CCSER1: variants seen among roughly 807,000 people sequenced by gnomAD.
CCSER1 encodes coiled-coil serine rich protein 1.
CCSER1 carries 41 observed loss-of-function variants against 82.0 expected under a neutral mutation model. That is an observed-to-expected ratio of 0.50 (90% confidence interval 0.39 to 0.65). CCSER1 has a LOEUF of 0.65. Among genes scored for constraint, CCSER1 ranks in the 30% least tolerant of loss-of-function variants. CCSER1 has a pLI of 0.00. For missense variants in CCSER1, 1,119 were observed against 1,064.2 expected, an observed-to-expected ratio of 1.05 and a Z score of -0.72; for synonymous variants, 414 against 383.9, an observed-to-expected ratio of 1.08 and a Z score of -0.92.
chr4:90,613,099 C>T (rs918009213), intron 5 of CCSER1, among the ~76,000 whole-genome samples: 9 of 152,130 alleles, frequency 5.9e-5, no homozygotes, highest in African/African-American at 2.2e-4. Flanking sequence ...TACATTTATA[C>T]TTTAGTCTTA....
chr4:90,184,267 A>G (rs1382032405), intron 1 of CCSER1, among the ~76,000 whole-genome samples: 2 of 152,166 alleles, frequency 1.3e-5, no homozygotes, highest in Non-Finnish European at 2.9e-5. Flanking sequence ...ATTTGAAGCA[A>G]AACACAGTAC....
At chr4:90,880,333 C>G (rs564017196) in intron 8 of CCSER1, among the ~76,000 whole-genome samples, 1 of 152,134 alleles carries the variant, frequency 6.6e-6, no homozygotes, top group South Asian at 2.1e-4. Flanking sequence ...ACCAGAGATA[C>G]GGGTCAGTAA....
intron 10 of CCSER1, among the ~76,000 whole-genome samples, chr4:91,287,534 T>C (rs940838646): frequency 2.0e-5 from 3 of 151,994 alleles, no homozygotes; most frequent in African/African-American, 7.2e-5. Flanking sequence ...ACTTTTCCTG[T>C]AACTGTGTTT....
chr4:91,308,190 C>T (rs1033238422), intron 10 of CCSER1, among the ~76,000 whole-genome samples: 1 of 151,920 alleles, frequency 6.6e-6, no homozygotes, highest in Non-Finnish European at 1.5e-5. Flanking sequence ...CTGTTCATGT[C>T]CTGTATGGCT....
intron 9 of CCSER1, among the ~76,000 whole-genome samples, chr4:91,067,855 G>A (rs905667458): frequency 6.6e-6 from 1 of 152,128 alleles, no homozygotes; most frequent in Non-Finnish European, 1.5e-5. Context: ...TCTAAGCAGT[G>A]GTCAGATTGC....
At chr4:91,515,467 G>C (rs1263977437) in intron 10 of CCSER1, among the ~76,000 whole-genome samples, 1 of 152,128 alleles carries the variant, frequency 6.6e-6, no homozygotes, top group Non-Finnish European at 1.5e-5. Flanking sequence ...ATTTGGTTCT[G>C]TTCCTGCATT....
intron 3 of CCSER1, among the ~76,000 whole-genome samples, chr4:90,346,245 A>G (rs1167130643): frequency 6.6e-6 from 1 of 152,094 alleles, no homozygotes; most frequent in Non-Finnish European, 1.5e-5. Flanking sequence ...ATAAATATAA[A>G]TAGGCAAAAT....
chr4:90,701,923 G>C (rs537608316), intron 6 of CCSER1, among the ~76,000 whole-genome samples: 1 of 152,118 alleles, frequency 6.6e-6, no homozygotes, highest in Non-Finnish European at 1.5e-5. Flanking sequence ...CTGTAAACAG[G>C]GACAATTTGA....
At position 90,229,032 on chromosome 4, in the gene CCSER1, G is replaced by T. The variant is rs150889873; in HGVS notation, c.-41-79212G>T. 6.3e-3 allele frequency among the ~76,000 whole-genome samples: 966 copies of T among 152,314 alleles called. 14 individuals are homozygous for T. Among genetic ancestry groups the T allele is most frequent in the African/African-American group, 0.022 (918 of 41,584 alleles). ...AAAGTGATGGGGAGAATGGAACCAAGTTGGAAAACACTCTGCAGGATGTCA... is the reference window on the plus strand; with the variant it reads ...AAAGTGATGGGGAGAATGGAACCAATTTGGAAAACACTCTGCAGGATGTCA... On this transcript the variant is annotated intron_variant, in intron 1 of 10. Coordinates refer to ENST00000509176, the MANE Select transcript of CCSER1 (RefSeq NM_001145065.2).
At chr4:90,806,250 ATG>A (rs1426304221) in intron 7 of CCSER1, among the ~76,000 whole-genome samples, 2 of 152,210 alleles carry the variant, frequency 1.3e-5, no homozygotes, top group African/African-American at 4.8e-5. Flanking sequence ...AATATTTTAT[ATG>A]TGTTATTCCA....
chr4:90,339,504 C>T (rs957506206), intron 3 of CCSER1, among the ~76,000 whole-genome samples: 2 of 152,120 alleles, frequency 1.3e-5, no homozygotes. Context: ...CTTGCTTTCG[C>T]TCTCCAGTTA....
chr4:91,420,975 A>G lies in CCSER1; in HGVS notation c.2218-177597A>G, dbSNP rs184455684. On this transcript the variant is annotated intron_variant, in intron 10 of 10. Coordinates refer to ENST00000509176, the MANE Select transcript of CCSER1 (RefSeq NM_001145065.2). ...GAGACAGAAAAACAAATCCTGTGTG[A>G]TCTCACTTACGTGTAGAATCTAAAA... is the stretch of plus-strand genomic sequence containing the variant. Among the ~76,000 whole-genome samples the G allele has an allele frequency of 2.0e-4, 30 of 152,298 alleles. 1 individual carries two copies. Among genetic ancestry groups the G allele is most frequent in the African/African-American group, 6.7e-4 (28 of 41,540 alleles).
intron 10 of CCSER1, among the ~76,000 whole-genome samples, chr4:91,164,600 C>A (rs1731825942): frequency 6.6e-6 from 1 of 152,108 alleles, no homozygotes; most frequent in African/African-American, 2.4e-5. Context: ...TTCACATAGT[C>A]CCATATTTCT....
chr4:91,005,316 A>G (rs1484830325), intron 9 of CCSER1, among the ~76,000 whole-genome samples: 1 of 152,144 alleles, frequency 6.6e-6, no homozygotes, highest in Non-Finnish European at 1.5e-5. Context: ...TTAGCCTTCA[A>G]TAAAAACTAT....
chr4:90,562,602 G>T (rs1284113041), intron 5 of CCSER1, among the ~76,000 whole-genome samples: 2 of 151,760 alleles, frequency 1.3e-5, no homozygotes, highest in Admixed American at 1.3e-4. Flanking sequence ...CAGTGGGGCA[G>T]TCTCAGCTCA....
At chr4:90,143,684 CT>C (rs70963057) in intron 1 of CCSER1, among the ~76,000 whole-genome samples, 40,879 of 138,370 alleles carry the variant, frequency 0.3, 6,385 homozygotes, top group Non-Finnish European at 0.4. Context: ...TCCATTCCTA[CT>C]TTTTTTTTTT....
At chr4:90,507,033 T>G (rs1770800249) in intron 5 of CCSER1, among the ~76,000 whole-genome samples, 1 of 152,200 alleles carries the variant, frequency 6.6e-6, no homozygotes, top group Non-Finnish European at 1.5e-5. Context: ...TTTACTATCT[T>G]TTATTCAAAA....
At position 90,400,140 on chromosome 4, in the gene CCSER1, A is replaced by C. The variant is rs373837845; in HGVS notation, c.1603+11A>C. On this transcript the variant is annotated intron_variant, in intron 4 of 10. Coordinates refer to ENST00000509176, the MANE Select transcript of CCSER1 (RefSeq NM_001145065.2). ...GTCTTCACCCTTCTGGTAAGTGTTA[A>C]AGAGATGAATAATATCATACAACTC... is the stretch of plus-strand genomic sequence containing the variant. The C allele has an allele frequency of 3.4e-6, 5 of 1,459,976 alleles. No individual in the cohort carries two copies. Among genetic ancestry groups the C allele is most frequent in the Non-Finnish European group, 4.8e-6 (5 of 1,043,158 alleles). The allele number at this position is 1,459,976 out of a possible 1,614,324, so 90.4% of individuals were successfully genotyped here.
At chr4:91,546,389 C>CT (rs899238372) in intron 10 of CCSER1, among the ~76,000 whole-genome samples, 16 of 151,892 alleles carry the variant, frequency 1.1e-4, no homozygotes, top group African/African-American at 3.6e-4. Flanking sequence ...TAACCCATGT[C>CT]TTTTTTTGGA....
Sources: gnomAD v4.1 joint callset for allele counts (sites outside exome capture counted in the v4.1 genomes callset) on GRCh38, gnomAD v4.1.1 for gene constraint, MANE v1.5 for transcripts, NCBI Gene and HGNC (gene_info 2026-07-23, HGNC 2026-07-21) for gene names.